Variants in LDLRAD4 observed in about 807,000 individuals in gnomAD.
The protein encoded by LDLRAD4 is low-density lipoprotein receptor class A domain-containing protein 4.
Under a neutral mutation model 17.0 loss-of-function variants are expected in LDLRAD4, and 5 were observed. The ratio of observed to expected loss-of-function variants is 0.29; its 90% CI spans 0.15 to 0.62. The LOEUF is 0.62. LDLRAD4 is among the 20% of genes least tolerant of loss of function. The pLI is 0.84. For missense variants in LDLRAD4, 340 were observed against 424.7 expected (o/e 0.80, Z 1.75); for synonymous variants, 168 against 171.8 (o/e 0.98, Z 0.17).
At chr18:13,417,403 G>A (rs1451873225) in intron 2 of LDLRAD4, among the ~76,000 whole-genome samples, 1 of 151,732 alleles carries the variant, frequency 6.6e-6, no homozygotes, top group Non-Finnish European at 1.5e-5. Flanking sequence ...TTATTTGCCA[G>A]TAGAACAATG....
chr18:13,541,123 GCACTCT>G lies in LDLRAD4; in HGVS notation c.182-79990_182-79985del, dbSNP rs375137504. Among the ~76,000 whole-genome samples the G allele has an allele frequency of 2.9e-3, 436 of 152,318 alleles. 2 individuals are homozygous for G. Among genetic ancestry groups the G allele is most frequent in the African/African-American group, 9.9e-3 (411 of 41,558 alleles). ...TCCAAAGCCAGCCCGACCCCGCAAG[GCACTCT>G]CACCGGGGTATAAATTGGTGCTGCC... is the stretch of plus-strand genomic sequence containing the variant. On this transcript the variant is annotated intron_variant, in intron 3 of 5. Transcript: ENST00000359446.
intron 3 of LDLRAD4, among the ~76,000 whole-genome samples, chr18:13,464,717 CTTT>C (rs34872294): frequency 2.2e-5 from 3 of 134,708 alleles, no homozygotes; most frequent in African/African-American, 2.8e-5. Flanking sequence ...CAGAGCCTGA[CTTT>C]TTTTTTTTTT....
At chr18:13,563,813 C>A (rs996100174) in intron 3 of LDLRAD4, among the ~76,000 whole-genome samples, 2 of 152,216 alleles carry the variant, frequency 1.3e-5, no homozygotes, top group Admixed American at 1.3e-4. Context: ...CCTCTAAAGG[C>A]CCCTCAGTGA....
At chr18:13,403,333 G>A (rs2087401098) in intron 2 of LDLRAD4, among the ~76,000 whole-genome samples, 1 of 152,184 alleles carries the variant, frequency 6.6e-6, no homozygotes, top group Non-Finnish European at 1.5e-5. Context: ...AATAAAACAT[G>A]GGGACTGGAG....
chr18:13,608,474 C>T (rs2095246174), intron 3 of LDLRAD4, among the ~76,000 whole-genome samples: 1 of 152,102 alleles, frequency 6.6e-6, no homozygotes, highest in Non-Finnish European at 1.5e-5. Flanking sequence ...CAGAGCCTCC[C>T]TTTACCACTC....
At chr18:13,478,026 G>A (rs1480200388) in intron 3 of LDLRAD4, among the ~76,000 whole-genome samples, 2 of 152,100 alleles carry the variant, frequency 1.3e-5, no homozygotes, top group Admixed American at 1.3e-4. Context: ...TTCCTGCTTC[G>A]GACCTACTTC....
At chr18:13,569,806 A>C (rs2094660094) in intron 3 of LDLRAD4, among the ~76,000 whole-genome samples, 1 of 152,046 alleles carries the variant, frequency 6.6e-6, no homozygotes, top group Non-Finnish European at 1.5e-5. Context: ...AATCGCTTGA[A>C]CCCGGAAGGC....
intron 1 of LDLRAD4, among the ~76,000 whole-genome samples, 191 bp downstream of exon 1, chr18:13,219,179 C>T (rs1217392514): frequency 6.6e-6 from 1 of 151,624 alleles, no homozygotes; most frequent in Non-Finnish European, 1.5e-5. Flanking sequence ...GAAGGCGCAT[C>T]CGAGAGTACA....
rs137913285 is a variant in LDLRAD4, at chr18:13,483,266, G to A, written c.181+44882G>A. The stretch of plus-strand genomic sequence containing the variant: ...CATCTAGCCAGACCTGCCACAACAC[G>A]GCTCTGTAGTTACTGAGTTTCTCAC... On this transcript the variant is annotated intron_variant, in intron 3 of 5. Transcript: ENST00000359446. 4.4e-3 allele frequency among the ~76,000 whole-genome samples: 666 copies of A among 152,238 alleles called. 5 individuals are homozygous for A. Among genetic ancestry groups the A allele is most frequent in the African/African-American group, 0.015 (631 of 41,540 alleles).
chr18:13,311,365 T>A (rs1023929966), intron 1 of LDLRAD4, among the ~76,000 whole-genome samples: 11 of 152,236 alleles, frequency 7.2e-5, no homozygotes, highest in Non-Finnish European at 1.6e-4. Flanking sequence ...AGAGTCTTTG[T>A]GCATCCTGGT....
At chr18:13,354,872 T>G (rs904203630) in intron 1 of LDLRAD4, among the ~76,000 whole-genome samples, 2 of 152,164 alleles carry the variant, frequency 1.3e-5, no homozygotes, top group Non-Finnish European at 2.9e-5. Flanking sequence ...CAGCTTAGGG[T>G]GGACCTTGTG....
At chr18:13,531,879 A>G (rs2147827705) in intron 3 of LDLRAD4, among the ~76,000 whole-genome samples, 1 of 152,242 alleles carries the variant, frequency 6.6e-6, no homozygotes, top group South Asian at 2.1e-4. Flanking sequence ...TGCGCTGAGG[A>G]TGCAGGGTGG....
chr18:13,224,076 C>T (rs1222161453), intron 1 of LDLRAD4, among the ~76,000 whole-genome samples: 1 of 152,212 alleles, frequency 6.6e-6, no homozygotes, highest in East Asian at 1.9e-4. Context: ...TGCTGTAGCC[C>T]TCCCTCCCCA....
intron 2 of LDLRAD4, among the ~76,000 whole-genome samples, chr18:13,399,987 C>T (rs910989735): frequency 6.6e-6 from 1 of 152,226 alleles, no homozygotes; most frequent in African/African-American, 2.4e-5. Flanking sequence ...ACAAACATGT[C>T]GCTGAGCAGT....
chr18:13,416,799 A>G (rs2088940323), intron 2 of LDLRAD4, among the ~76,000 whole-genome samples: 2 of 152,238 alleles, frequency 1.3e-5, no homozygotes, highest in South Asian at 4.1e-4. Context: ...AAAACTCTTA[A>G]TAAAGGGAAA....
chr18:13,573,570 C>A (rs1457917064), intron 3 of LDLRAD4, among the ~76,000 whole-genome samples: 1 of 152,226 alleles, frequency 6.6e-6, no homozygotes, highest in African/African-American at 2.4e-5. Flanking sequence ...CTCCTTGATT[C>A]TCCTGTACAG....
intron 3 of LDLRAD4, among the ~76,000 whole-genome samples, chr18:13,602,510 T>C (rs1430656746): frequency 2.0e-5 from 3 of 148,508 alleles, no homozygotes; most frequent in African/African-American, 7.5e-5. Flanking sequence ...TTTTTTTTTT[T>C]TTTTTTGAGA....
At chr18:13,250,889 C>A (rs1360724628) in intron 1 of LDLRAD4, among the ~76,000 whole-genome samples, 1 of 152,170 alleles carries the variant, frequency 6.6e-6, no homozygotes, top group African/African-American at 2.4e-5. Context: ...ACAAGGCCAG[C>A]ATAACCCTGA....
intron 3 of LDLRAD4, among the ~76,000 whole-genome samples, chr18:13,449,633 G>A (rs2091661893): frequency 6.6e-6 from 1 of 152,232 alleles, no homozygotes; most frequent in Admixed American, 6.5e-5. Context: ...TGTCTGCTGT[G>A]GATGGCTCTG....
Sources: gnomAD v4.1 joint callset for allele counts (sites outside exome capture counted in the v4.1 genomes callset) on GRCh38, gnomAD v4.1.1 for gene constraint, MANE v1.5 for transcripts, NCBI Gene and HGNC (gene_info 2026-07-23, HGNC 2026-07-21) for gene names.